SCGB2B2: variants seen among roughly 807,000 people sequenced by gnomAD.
SCGB2B2 encodes the protein secretoglobin-like protein.
A neutral mutation model predicts 7.6 loss-of-function variants in SCGB2B2; 11 were observed. The observed-to-expected ratio is 1.45, with a 90% CI of 0.91 to 2.40. The LOEUF is 2.40. Ranked by LOEUF, SCGB2B2 falls within the 30% of genes most tolerant of loss-of-function variation. The probability of loss-of-function intolerance (pLI) is 0.00; values close to 1 mark genes in which losing one functional copy is unlikely to be tolerated. For synonymous variants in SCGB2B2, 50 were observed against 48.6 expected, an observed-to-expected ratio of 1.03 and a Z score of -0.12; for missense variants, 104 against 115.4, an observed-to-expected ratio of 0.90 and a Z score of 0.45.
At chr19:34,645,919 G>T in intron 1 of SCGB2B2, 1 of 262,212 alleles carries the variant, frequency 3.8e-6, no homozygotes, top group Non-Finnish European at 7.6e-6. Flanking sequence ...AAGTTGTTTG[G>T]GAGAGTTGCT....
rs75442264 is a variant in SCGB2B2, at chr19:34,592,748, C to T, written c.*807G>A. Among the ~76,000 whole-genome samples, 2,015 of 152,272 alleles carry T rather than the reference C, an allele frequency of 0.013. 15 individuals are homozygous for T. The highest frequency in any genetic ancestry group is 0.024 in the Middle Eastern group (7 of 294). On this transcript the variant is annotated 3_prime_UTR_variant, in exon 4 of 4. Transcript: ENST00000601241. ...CCCTGTGACCTCAATGTCAATGTCC[C>T]CTGTCATGGTGACATGGCCACACAG...
At chr19:34,658,538 A>G (rs1444952861) in intron 1 of SCGB2B2, among the ~76,000 whole-genome samples, 3 of 152,152 alleles carry the variant, frequency 2.0e-5, no homozygotes, top group African/African-American at 7.2e-5. Context: ...ACGCTCTCCC[A>G]AGACTAAACC....
Position 34,594,651 on chromosome 19 carries a change from T to TTG in SCGB2B2, c.-89_-88insCA, listed in dbSNP as rs2065394143. 1 of 791,566 alleles carries TTG rather than the reference T, an allele frequency of 1.3e-6. No individual in the cohort carries two copies. The highest frequency in any genetic ancestry group is 1.5e-5 in the South Asian group (1 of 67,136). The allele number at this position is 791,566 out of a possible 1,614,324, so 49.0% of individuals were successfully genotyped here. A position where few individuals can be genotyped will look rare whatever the true frequency, so the allele number is the denominator to read the frequency against. On this transcript the variant is annotated 5_prime_UTR_variant, in exon 2 of 4. An upstream open reading frame in the 5' UTR loses its in-frame stop. Transcript: ENST00000601241. Reference sequence around the variant, plus strand: ...ATATCTGAACAAGGCACATGCCTCTTCGTGTGTGTGTGTGTGTGTGTGTGT... The same window carrying TTG: ...ATATCTGAACAAGGCACATGCCTCTTTGCGTGTGTGTGTGTGTGTGTGTGTGT...
intron 1 of SCGB2B2, among the ~76,000 whole-genome samples, chr19:34,662,959 CAAA>C (rs200722278): frequency 1.6e-4 from 23 of 147,718 alleles, no homozygotes; most frequent in South Asian, 4.2e-4. Flanking sequence ...AACAAACAAA[CAAA>C]AAAAAACAAT....
chr19:34,594,696 TGTG>T lies in SCGB2B2; in HGVS notation c.-136_-134del, dbSNP rs2065397806. On this transcript the variant is annotated 5_prime_UTR_variant, in exon 2 of 4. Transcript: ENST00000601241. ...GTGTGTGTGTGTGTGTGTGTGTGTGTGTGTGTGAATGTGGTCAGGGCAGGTCTG... is the reference window on the plus strand; with the variant it reads ...GTGTGTGTGTGTGTGTGTGTGTGTGTTGTGAATGTGGTCAGGGCAGGTCTG... The T allele has an allele frequency of 1.7e-6, 1 of 602,040 alleles. No individual in the cohort carries two copies. The highest frequency in any genetic ancestry group is 2.9e-6 in the Non-Finnish European group (1 of 348,464). 37.3% of individuals were successfully genotyped at this position (602,040 alleles called of 1,614,324 possible). A position where few individuals can be genotyped will look rare whatever the true frequency, so the allele number is the denominator to read the frequency against.
intron 1 of SCGB2B2, chr19:34,646,855 T>A (rs1189404920): frequency 6.6e-6 from 1 of 152,250 alleles, no homozygotes; most frequent in Non-Finnish European, 1.5e-5. Flanking sequence ...ATATGCAGTG[T>A]GTGACCAGGG....
chr19:34,669,714 T>TACACACACACACATACACACACACAC (rs1555750461), intron 1 of SCGB2B2, among the ~76,000 whole-genome samples: 1 of 139,498 alleles, frequency 7.2e-6, no homozygotes, highest in African/African-American at 2.7e-5. Flanking sequence ...TGCCCCCACT[T>TACACACACACACATACACACACACAC]ACACACACAC....
downstream of SCGB2B2, among the ~76,000 whole-genome samples, chr19:34,589,879 G>T (rs2065259223): frequency 6.6e-6 from 1 of 152,176 alleles, no homozygotes; most frequent in South Asian, 2.1e-4. Flanking sequence ...CGCAGGTGCT[G>T]CCATGGAGTG....
intron 1 of SCGB2B2, chr19:34,608,683 A>ATATATATATATATATATATC: frequency 7.7e-6 from 1 of 129,452 alleles, no homozygotes; most frequent in Non-Finnish European, 1.7e-5. Context: ...ATATATATAT[A>ATATATATATATATATATATC]TACCGTATTT....
At chr19:34,624,012 AAG>A (rs2066305254) in intron 1 of SCGB2B2, among the ~76,000 whole-genome samples, 1 of 152,178 alleles carries the variant, frequency 6.6e-6, no homozygotes, top group East Asian at 1.9e-4. Flanking sequence ...CAGGAGGAAA[AAG>A]AGTTGGGGAA....
At chr19:34,627,752 C>T (rs184179923) in intron 1 of SCGB2B2, among the ~76,000 whole-genome samples, 33 of 152,138 alleles carry the variant, frequency 2.2e-4, no homozygotes, top group African/African-American at 6.0e-4. Flanking sequence ...AATTCAACTC[C>T]GCTCTGCACC....
chr19:34,597,187 T>C (rs950324425), intron 1 of SCGB2B2, among the ~76,000 whole-genome samples: 5 of 152,096 alleles, frequency 3.3e-5, no homozygotes, highest in Middle Eastern at 3.4e-3. Flanking sequence ...TCAAGTGCCA[T>C]GAGAGGAAGT....
At chr19:34,599,319 T>C (rs1022062449) in intron 1 of SCGB2B2, among the ~76,000 whole-genome samples, 3 of 152,204 alleles carry the variant, frequency 2.0e-5, no homozygotes, top group African/African-American at 7.2e-5. Flanking sequence ...CAGCTCGCCC[T>C]TTCTCCTTCT....
At chr19:34,628,678 T>C (rs551602588) in intron 1 of SCGB2B2, among the ~76,000 whole-genome samples, 10 of 152,076 alleles carry the variant, frequency 6.6e-5, no homozygotes, top group African/African-American at 2.4e-4. Context: ...AGCTGATTTC[T>C]ACCAGAGGTA....
chr19:34,604,243 T>C (rs1440951440), intron 1 of SCGB2B2, among the ~76,000 whole-genome samples: 3 of 152,220 alleles, frequency 2.0e-5, no homozygotes, highest in Non-Finnish European at 4.4e-5. Context: ...TCCCTAGATT[T>C]GGACAATGGG....
At chr19:34,586,525 G>A (rs1298082138), downstream of SCGB2B2, among the ~76,000 whole-genome samples, 2 of 152,152 alleles carry the variant, frequency 1.3e-5, no homozygotes, top group East Asian at 3.8e-4. Context: ...ATACAGTATG[G>A]AATGTTATTA....
At chr19:34,635,920 C>A (rs2066663145) in intron 1 of SCGB2B2, among the ~76,000 whole-genome samples, 2 of 152,304 alleles carry the variant, frequency 1.3e-5, no homozygotes, top group Admixed American at 6.5e-5. Flanking sequence ...CTGTACTGAC[C>A]CAGAATTGTC....
chr19:34,674,656 T>A (rs1371661877), intron 1 of SCGB2B2, among the ~76,000 whole-genome samples: 2 of 152,190 alleles, frequency 1.3e-5, no homozygotes, highest in African/African-American at 2.4e-5. Flanking sequence ...GGGTAACACC[T>A]GCCTCATAAC....
chr19:34,648,043 G>T (rs2067068972), intron 1 of SCGB2B2, among the ~76,000 whole-genome samples: 1 of 152,204 alleles, frequency 6.6e-6, no homozygotes, highest in African/African-American at 2.4e-5. Flanking sequence ...GGAGCAGCTG[G>T]GTGGATGCGA....
Sources: gnomAD v4.1 joint callset for allele counts (sites outside exome capture counted in the v4.1 genomes callset) on GRCh38, gnomAD v4.1.1 for gene constraint, MANE v1.5 for transcripts, NCBI Gene and HGNC (gene_info 2026-07-23, HGNC 2026-07-21) for gene names.